Variants in DOCK9 observed in about 807,000 individuals in gnomAD.
DOCK9 encodes dedicator of cytokinesis 9, also known as dedicator of cytokinesis protein 9.
A neutral mutation model predicts 263.3 loss-of-function variants in DOCK9; 89 were observed. The observed-to-expected ratio is 0.34, with a 90% CI of 0.28 to 0.40. The LOEUF (loss-of-function observed/expected upper bound fraction) is 0.40. Ranked by LOEUF, DOCK9 falls within the 10% of genes least tolerant of loss-of-function variation. DOCK9 has a pLI of 1.00. For synonymous variants in DOCK9, 976 were observed against 973.1 expected (o/e 1.00, Z -0.06); for missense variants, 2,140 against 2,603.4 (o/e 0.82, Z 3.87).
intron 2 of DOCK9, among the ~76,000 whole-genome samples, chr13:98,934,687 C>A (rs1000406164): frequency 6.6e-6 from 1 of 152,148 alleles, no homozygotes; most frequent in African/African-American, 2.4e-5. Flanking sequence ...ATACACTATG[C>A]TGCAATCTCA....
chr13:98,952,341 T>C (rs2057532961), intron 2 of DOCK9, among the ~76,000 whole-genome samples: 1 of 151,976 alleles, frequency 6.6e-6, no homozygotes, highest in Non-Finnish European at 1.5e-5. Context: ...TTTCAAGAGA[T>C]TCTCCTGCCT....
chr13:98,978,445 G>T (rs1275286232), upstream of DOCK9, among the ~76,000 whole-genome samples: 1 of 152,158 alleles, frequency 6.6e-6, no homozygotes, highest in African/African-American at 2.4e-5. Context: ...TTAAAGCAGG[G>T]AAGAGCTACC....
chr13:98,999,290 G>GCACACACACA (rs1217981239), intron 1 of DOCK9, among the ~76,000 whole-genome samples: 1 of 145,758 alleles, frequency 6.9e-6, no homozygotes, highest in African/African-American at 2.5e-5. Context: ...GCATGCACGC[G>GCACACACACA]CACACACACA....
At chr13:99,043,773 C>A (rs1366044747) in intron 1 of DOCK9, among the ~76,000 whole-genome samples, 1 of 152,120 alleles carries the variant, frequency 6.6e-6, no homozygotes, top group Middle Eastern at 3.2e-3. Flanking sequence ...TTACCCACAT[C>A]CTTTCCACAA....
chr13:98,989,170 G>A (rs1472358128), intron 1 of DOCK9, among the ~76,000 whole-genome samples: 1 of 151,970 alleles, frequency 6.6e-6, no homozygotes, highest in Admixed American at 6.6e-5. Context: ...CCTCTTTCAT[G>A]AGACCCTCCA....
intron 9 of DOCK9, among the ~76,000 whole-genome samples, chr13:98,905,407 C>A (rs1184217407): frequency 6.6e-6 from 1 of 152,230 alleles, no homozygotes; most frequent in African/African-American, 2.4e-5. Flanking sequence ...TGGGAGCTGA[C>A]TTGGACTAGG....
intron 38 of DOCK9, chr13:98,845,298 T>C: frequency 7.4e-7 from 1 of 1,351,250 alleles, no homozygotes; most frequent in Non-Finnish European, 9.9e-7. Context: ...AGCAACCTCA[T>C]AAAGCAGACT....
chr13:98,809,295 G>GTT, intron 47 of DOCK9, 57 bp downstream of exon 47: 1 of 1,447,302 alleles, frequency 6.9e-7, no homozygotes, highest in Non-Finnish European at 9.5e-7. Flanking sequence ...TTTTGTTTTT[G>GTT]TTTTTGTTTT....
At chr13:98,991,812 G>A (rs1279898122) in intron 1 of DOCK9, among the ~76,000 whole-genome samples, 3 of 151,842 alleles carry the variant, frequency 2.0e-5, no homozygotes, top group Non-Finnish European at 4.4e-5. Flanking sequence ...CTGAAACTAC[G>A]TCACTAGGTT....
Position 98,794,545 on chromosome 13 carries a change from C to A in DOCK9, c.*81G>T. The A allele has an allele frequency of 6.8e-7, 1 of 1,470,768 alleles. No homozygotes were observed. Among genetic ancestry groups the A allele is most frequent in the Non-Finnish European group, 9.2e-7 (1 of 1,090,422 alleles). The allele number at this position is 1,470,768 out of a possible 1,614,324, so 91.1% of individuals were successfully genotyped here. On this transcript the variant is annotated 3_prime_UTR_variant, in exon 53 of 53. Coordinates refer to ENST00000682017, the MANE Select transcript of DOCK9 (RefSeq NM_001366683.2). The stretch of plus-strand genomic sequence containing the variant: ...CCCCTTGGTCCTCCCTGTGCTCGGT[C>A]TCCCCAGTGATTGGCTTTGGAAAGC...
At chr13:99,086,853 G>C (rs1170391096), upstream of DOCK9, among the ~76,000 whole-genome samples, 4 of 150,680 alleles carry the variant, frequency 2.7e-5, no homozygotes, top group Non-Finnish European at 5.9e-5. Context: ...TGGGGAAGGT[G>C]GGGGGTCGGG....
intron 48 of DOCK9, among the ~76,000 whole-genome samples, chr13:98,805,959 C>T (rs1191084722): frequency 3.9e-5 from 6 of 152,150 alleles, no homozygotes; most frequent in Non-Finnish European, 7.3e-5. Context: ...AGGGTTTCTC[C>T]ATGTTGGTCA....
intron 8 of DOCK9, among the ~76,000 whole-genome samples, chr13:98,915,091 C>G (rs2050671881): frequency 6.6e-6 from 1 of 152,176 alleles, no homozygotes. Flanking sequence ...AAACCCAGGT[C>G]TCCCTTTCTG....
At chr13:98,953,688 T>G (rs1479069865) in intron 2 of DOCK9, among the ~76,000 whole-genome samples, 1 of 152,252 alleles carries the variant, frequency 6.6e-6, no homozygotes. Context: ...CAATTTATAA[T>G]CATTTGATTT....
upstream of DOCK9, chr13:99,086,692 G>C (rs1211807954): frequency 2.0e-5 from 3 of 146,810 alleles, no homozygotes; most frequent in Non-Finnish European, 4.6e-5. Context: ...CTCGGGGCGG[G>C]GTGTCCGGCG....
chr13:98,823,151 T>C (rs1236978020), intron 45 of DOCK9, among the ~76,000 whole-genome samples: 1 of 147,232 alleles, frequency 6.8e-6, no homozygotes, highest in Non-Finnish European at 1.5e-5. Context: ...GAGTGAAGAG[T>C]AGTAGTATTT....
At chr13:98,979,711 T>C (rs1489653702), upstream of DOCK9, among the ~76,000 whole-genome samples, 3 of 152,132 alleles carry the variant, frequency 2.0e-5, no homozygotes, top group African/African-American at 4.8e-5. Flanking sequence ...AAAATAATAT[T>C]ATCTATAAAT....
At chr13:98,947,025 A>C (rs2056806910) in intron 2 of DOCK9, among the ~76,000 whole-genome samples, 1 of 152,174 alleles carries the variant, frequency 6.6e-6, no homozygotes, top group African/African-American at 2.4e-5. Flanking sequence ...TCTGTGGATG[A>C]GTCCAGATCT....
At chr13:99,062,885 G>A (rs912466987) in intron 1 of DOCK9, among the ~76,000 whole-genome samples, 14 of 152,290 alleles carry the variant, frequency 9.2e-5, no homozygotes, top group African/African-American at 3.4e-4. Context: ...GCAGAAAAGG[G>A]AGAAAGAATT....
Sources: gnomAD v4.1 joint callset for allele counts (sites outside exome capture counted in the v4.1 genomes callset) on GRCh38, gnomAD v4.1.1 for gene constraint, MANE v1.5 for transcripts, NCBI Gene and HGNC (gene_info 2026-07-23, HGNC 2026-07-21) for gene names.